Variants in ERO1A observed in about 807,000 individuals in gnomAD.
ERO1A encodes the protein ERO1-like protein alpha.
In ERO1A, 49 loss-of-function variants were observed where a neutral mutation model predicts 76.9. The ratio of observed to expected loss-of-function variants is 0.64; its 90% CI spans 0.51 to 0.81. The LOEUF (loss-of-function observed/expected upper bound fraction) is 0.81. Among genes scored for constraint, ERO1A ranks in the 30% least tolerant of loss-of-function variants. ERO1A has a pLI of 0.00. For missense variants in ERO1A, 448 were observed against 542.1 expected, an observed-to-expected ratio of 0.83 and a Z score of 1.72; for synonymous variants, 174 against 181.2, an observed-to-expected ratio of 0.96 and a Z score of 0.32.
rs1566645829 is a variant in ERO1A, at chr14:52,681,782, C to CA, written c.318+542_318+543insT. Among the ~76,000 whole-genome samples the CA allele has an allele frequency of 6.0e-3, 907 of 152,026 alleles. 8 individuals are homozygous for CA. The highest frequency in any genetic ancestry group is 0.021 in the African/African-American group (866 of 41,474). On this transcript the variant is annotated intron_variant, in intron 3 of 15. Transcript: ENST00000395686. The stretch of plus-strand genomic sequence containing the variant: ...TTTGTCCACTCACACCCCAGGAAAT[C>CA]CAAGGCAAAAACACACCCGAAAAAA...
chr14:52,691,290 T>C (rs2041345846), intron 1 of ERO1A, among the ~76,000 whole-genome samples: 2 of 152,190 alleles, frequency 1.3e-5, no homozygotes, highest in Non-Finnish European at 2.9e-5. Context: ...CCACACCAGG[T>C]AGTAGGCACC....
At chr14:52,693,112 C>T (rs2139802835) in intron 1 of ERO1A, among the ~76,000 whole-genome samples, 1 of 146,974 alleles carries the variant, frequency 6.8e-6, no homozygotes, top group Admixed American at 7.1e-5. Context: ...CTATATGATC[C>T]TCAATTTACT....
chr14:52,648,564 T>A (rs11626403), intron 13 of ERO1A, among the ~76,000 whole-genome samples: 27,009 of 152,044 alleles, frequency 0.18, 2,962 homozygotes, highest in African/African-American at 0.3. Context: ...CTTTTACTTT[T>A]AAAGTGTTAC....
At chr14:52,682,518 A>G in intron 2 of ERO1A, 110 bp from the exon 3 acceptor site, 3 of 732,402 alleles carry the variant, frequency 4.1e-6, no homozygotes. Context: ...GTGCAAATAC[A>G]GTATTTCTTC....
At position 52,678,567 on chromosome 14, in the gene ERO1A, A is replaced by G. The variant is rs2040881472; in HGVS notation, c.319-95T>C. On this transcript the variant is annotated intron_variant, in intron 3 of 15. Transcript: ENST00000395686. Reference sequence around the variant, plus strand: ...GTGATTTATGAGAAAAATTCATATAACAAATTATCGAAGTTGGATTTTTTA... The same window carrying G: ...GTGATTTATGAGAAAAATTCATATAGCAAATTATCGAAGTTGGATTTTTTA... 4.6e-6 allele frequency: 5 copies of G among 1,097,422 alleles called. No individual in the cohort carries two copies. In the Admixed American group the frequency reaches 8.7e-5, roughly 19 times the overall value. The allele number at this position is 1,097,422 out of a possible 1,614,324, so 68.0% of individuals were successfully genotyped here. A position where few individuals can be genotyped will look rare whatever the true frequency, so the allele number is the denominator to read the frequency against.
chr14:52,675,873 C>T (rs1328232037), intron 4 of ERO1A, among the ~76,000 whole-genome samples: 2 of 151,980 alleles, frequency 1.3e-5, no homozygotes, highest in Non-Finnish European at 2.9e-5. Context: ...TTTGTAGACA[C>T]GGGGTTTCAC....
intron 1 of ERO1A, among the ~76,000 whole-genome samples, chr14:52,685,060 TAAA>T (rs2041136041): frequency 6.6e-6 from 1 of 152,062 alleles, no homozygotes. Flanking sequence ...AGCCTAGAAA[TAAA>T]TAATTTAAAA....
intron 3 of ERO1A, among the ~76,000 whole-genome samples, chr14:52,678,749 G>C (rs1313041394): frequency 6.6e-6 from 1 of 152,076 alleles, no homozygotes; most frequent in Non-Finnish European, 1.5e-5. Flanking sequence ...AAATTGTCCC[G>C]TATTTGGCCA....
In ERO1A at chr14:52,686,556, G is replaced by T. The variant is rs181265389; in HGVS notation, c.115-2649C>A. On this transcript the variant is annotated intron_variant, in intron 1 of 15. Transcript: ENST00000395686. ...CCAAGAGACCTCAAAGGGAAAGAAGGCAGGATAAATGGTAGATTGGTAGAT... is the reference window on the plus strand; with the variant it reads ...CCAAGAGACCTCAAAGGGAAAGAAGTCAGGATAAATGGTAGATTGGTAGAT... Among the ~76,000 whole-genome samples the T allele has an allele frequency of 1.3e-4, 20 of 149,460 alleles. No homozygotes were observed. In the East Asian group the frequency reaches 3.7e-3, roughly 28 times the overall value.
intron 13 of ERO1A, among the ~76,000 whole-genome samples, chr14:52,649,090 C>T (rs1166885344): frequency 6.6e-6 from 1 of 152,104 alleles, no homozygotes; most frequent in Non-Finnish European, 1.5e-5. Flanking sequence ...TTAAAATAAC[C>T]AGTACCTAAA....
At position 52,646,450 on chromosome 14, in the gene ERO1A, T is replaced by C; in HGVS notation, c.1137A>G (p.Arg379=). ...TTCTTGAAATATTTCTAAAATGCAG[T>C]CGAAAGTCCTCCTGAAAACAATTTA... is the stretch of plus-strand genomic sequence containing the variant. ...KEAHKLKEDF[R]LHFRNISRIM... The change falls in exon 14 of 16, where the codon CGA becomes CGG. Residue 379 remains arginine, a synonymous_variant. Coordinates refer to ENST00000395686, the MANE Select transcript of ERO1A (RefSeq NM_014584.3). The C allele has an allele frequency of 2.5e-6, 4 of 1,608,712 alleles. No individual in the cohort carries two copies. The highest frequency in any genetic ancestry group is 4.5e-5 in the East Asian group (2 of 44,820).
chr14:52,648,665 G>C (rs1004591153), intron 13 of ERO1A, among the ~76,000 whole-genome samples: 2 of 152,150 alleles, frequency 1.3e-5, no homozygotes, highest in African/African-American at 2.4e-5. Context: ...GAAAGTTCCT[G>C]AGTATAAGAG....
At chr14:52,669,219 C>G (rs75365374) in intron 6 of ERO1A, among the ~76,000 whole-genome samples, 3,678 of 152,160 alleles carry the variant, frequency 0.024, 123 homozygotes, top group African/African-American at 0.07. Flanking sequence ...TACAAATGGG[C>G]AAGTGATTCA....
At chr14:52,651,408 G>A (rs763927009) in intron 13 of ERO1A, among the ~76,000 whole-genome samples, 12 of 136,510 alleles carry the variant, frequency 8.8e-5, no homozygotes, top group Admixed American at 2.9e-4. Context: ...AGACTAATAC[G>A]CTACTCATGC....
chr14:52,695,400 G>T lies in ERO1A; in HGVS notation c.82C>A (p.Pro28Thr). 6.5e-7 allele frequency: 1 copy of T among 1,538,212 alleles called. No individual in the cohort carries two copies. The change falls in exon 1 of 16, where the codon CCG becomes ACG. Residue 28 changes from proline (P) to threonine (T), a missense_variant. Coordinates refer to ENST00000395686, the MANE Select transcript of ERO1A (RefSeq NM_014584.3). ...AAGCACCTCTGTGCCGCTGTCTCCG[G>T]GGGCTGCTCCTCTCCGTGGCCCGAG... ...LSSGHGEEQP[P>T]ETAAQRCFCQ...
chr14:52,663,669 C>A, intron 8 of ERO1A, 132 bp downstream of exon 8: 2 of 566,418 alleles, frequency 3.5e-6, no homozygotes, highest in South Asian at 2.4e-5. Context: ...AAGCGTGAGG[C>A]ATAACTCTAT....
At chr14:52,668,284 G>A (rs2040478480) in intron 6 of ERO1A, among the ~76,000 whole-genome samples, 1 of 152,044 alleles carries the variant, frequency 6.6e-6, no homozygotes. Flanking sequence ...GGTGGCTCAC[G>A]CCTGTAATCC....
intron 15 of ERO1A, among the ~76,000 whole-genome samples, chr14:52,644,911 A>C (rs976003972): frequency 5.3e-5 from 8 of 152,198 alleles, no homozygotes; most frequent in South Asian, 2.1e-4. Flanking sequence ...TTTCAAGCCC[A>C]AAATTGTAAT....
rs1391484272 is a variant in ERO1A at position 52,678,428 on chromosome 14, A to G, written c.357+6T>C. ...ACTGGACACATCAATAGGTATACGT[A>G]CACACCTTGTAGCTCGCAGATTTAA... On this transcript the variant is annotated splice_donor_region_variant and intron_variant, in intron 4 of 15. Transcript: ENST00000395686. 1.9e-6 allele frequency: 3 copies of G among 1,612,762 alleles called. No homozygotes were observed. The highest frequency in any genetic ancestry group is 2.5e-6 in the Non-Finnish European group (3 of 1,179,118).
Sources: gnomAD v4.1 joint callset for allele counts (sites outside exome capture counted in the v4.1 genomes callset) on GRCh38, gnomAD v4.1.1 for gene constraint, MANE v1.5 for transcripts, NCBI Gene and HGNC (gene_info 2026-07-23, HGNC 2026-07-21) for gene names.